CASD1: variants seen among roughly 807,000 people sequenced by gnomAD.
The protein encoded by CASD1 is N-acetylneuraminate (7)9-O-acetyltransferase.
A neutral mutation model predicts 100.0 loss-of-function variants in CASD1; 41 were observed. That is an observed-to-expected ratio of 0.41 (90% CI 0.32 to 0.53). CASD1 has a LOEUF of 0.53. Among genes scored for constraint, CASD1 ranks in the 20% least tolerant of loss-of-function variants. CASD1 has a pLI of 0.25. For synonymous variants in CASD1, 321 were observed against 315.6 expected, an observed-to-expected ratio of 1.02 and a Z score of -0.18; for missense variants, 774 against 948.7, an observed-to-expected ratio of 0.82 and a Z score of 2.42.
At chr7:94,618,276 A>T in the CASD1 span, 1 of 158,066 alleles carries the variant, frequency 6.3e-6, no homozygotes, top group East Asian at 1.9e-4. Context: ...CCAGCTTGTG[A>T]GTGACAAGGT....
downstream of CASD1, among the ~76,000 whole-genome samples, chr7:94,557,289 G>A (rs1183516229): frequency 1.3e-5 from 2 of 152,014 alleles, no homozygotes; most frequent in African/African-American, 2.4e-5. Flanking sequence ...TCCATTAATA[G>A]AGGAATATTT....
intron 13 of CASD1, 71 bp from the exon 14 acceptor site, chr7:94,549,462 T>A: frequency 9.6e-7 from 1 of 1,037,986 alleles, no homozygotes; most frequent in South Asian, 1.6e-5. Context: ...AAAACTATAA[T>A]CTGTAATAGA....
the CASD1 span, among the ~76,000 whole-genome samples, chr7:94,611,935 CA>C: frequency 6.6e-6 from 1 of 152,034 alleles, no homozygotes; most frequent in Admixed American, 6.6e-5. Flanking sequence ...AAATTCAGAA[CA>C]AAAGTAGAGA....
the CASD1 span, chr7:94,618,573 A>G: frequency 3.5e-6 from 2 of 574,200 alleles, no homozygotes; most frequent in Admixed American, 3.3e-5. Flanking sequence ...AACTTGAGAT[A>G]TAAAAAACCA....
chr7:94,601,443 C>CAAAAAAAA, the CASD1 span, among the ~76,000 whole-genome samples: 373 of 89,282 alleles, frequency 4.2e-3, 46 homozygotes, highest in East Asian at 9.5e-3. Context: ...ATCCCAGTAT[C>CAAAAAAAA]AAAAAAAAAA....
At chr7:94,619,117 T>A in the CASD1 span, 2 of 635,504 alleles carry the variant, frequency 3.1e-6, no homozygotes, top group African/African-American at 3.7e-5. Context: ...AGAGGATGTA[T>A]CTAAAAACAT....
chr7:94,622,406 T>C, the CASD1 span: 1 of 152,214 alleles, frequency 6.6e-6, no homozygotes, highest in Non-Finnish European at 1.5e-5. Flanking sequence ...GGCAGGTGGA[T>C]CACATGAAGT....
chr7:94,633,963 T>C, the CASD1 span, among the ~76,000 whole-genome samples: 1 of 152,104 alleles, frequency 6.6e-6, no homozygotes, highest in African/African-American at 2.4e-5. Context: ...AACAATTACA[T>C]GGCTATAAAG....
chr7:94,587,935 A>G, the CASD1 span: 107 of 1,425,420 alleles, frequency 7.5e-5, no homozygotes, highest in Admixed American at 4.2e-4. Flanking sequence ...CAATGCCGCT[A>G]TTCATACTCA....
intron 1 of CASD1, among the ~76,000 whole-genome samples, chr7:94,512,102 A>T (rs146462188): frequency 6.6e-6 from 1 of 152,214 alleles, no homozygotes; most frequent in South Asian, 2.1e-4. Flanking sequence ...GTCAGGTGCA[A>T]TGCCCTTCAC....
chr7:94,608,807 G>A, the CASD1 span, among the ~76,000 whole-genome samples: 2 of 152,114 alleles, frequency 1.3e-5, no homozygotes, highest in Non-Finnish European at 2.9e-5. Context: ...AGGAGCAAAG[G>A]CAATACAATG....
chr7:94,509,864 GC>G lies in CASD1; in HGVS notation c.-220del. ...GGCACGGCGGAGCAGCGGCGGCGGG[GC>G]TGGGGGGAGGCCGCCGAGTCGGCCG... On this transcript the variant is annotated 5_prime_UTR_variant, in exon 1 of 18. Coordinates refer to ENST00000297273, the MANE Select transcript of CASD1 (RefSeq NM_022900.5). 1 of 1,021,250 alleles carries G rather than the reference GC, an allele frequency of 9.8e-7. No homozygotes were observed. The highest frequency in any genetic ancestry group is 9.6e-5 in the East Asian group (1 of 10,368). The allele number at this position is 1,021,250 out of a possible 1,614,324, so 63.3% of individuals were successfully genotyped here.
At chr7:94,631,093 A>G in the CASD1 span, among the ~76,000 whole-genome samples, 1 of 151,946 alleles carries the variant, frequency 6.6e-6, no homozygotes, top group Non-Finnish European at 1.5e-5. Flanking sequence ...GAAGGAAGCT[A>G]CAAGTTATGT....
the CASD1 span, among the ~76,000 whole-genome samples, chr7:94,616,123 A>G: frequency 6.6e-6 from 1 of 152,248 alleles, no homozygotes; most frequent in African/African-American, 2.4e-5. Flanking sequence ...AATGCTCATC[A>G]AGAAGGATGA....
chr7:94,530,804 A>C (rs1794814957), intron 5 of CASD1, among the ~76,000 whole-genome samples: 1 of 152,114 alleles, frequency 6.6e-6, no homozygotes, highest in Admixed American at 6.6e-5. Context: ...GCTTATGAGG[A>C]ATGGAATTAC....
At chr7:94,623,691 A>C in the CASD1 span, 1 of 431,262 alleles carries the variant, frequency 2.3e-6, no homozygotes, top group Admixed American at 4.1e-5. Flanking sequence ...TCATTAGTAA[A>C]TGGATTAACC....
At chr7:94,579,264 A>G in the CASD1 span, among the ~76,000 whole-genome samples, 1 of 151,722 alleles carries the variant, frequency 6.6e-6, no homozygotes. Flanking sequence ...CTACTAGGCC[A>G]GTTTATCTCA....
chr7:94,631,413 G>A, the CASD1 span, among the ~76,000 whole-genome samples: 1 of 151,852 alleles, frequency 6.6e-6, no homozygotes, highest in South Asian at 2.1e-4. Flanking sequence ...CATCTGGTAT[G>A]GGAGACCAAC....
chr7:94,586,937 A>C, the CASD1 span: 6 of 980,414 alleles, frequency 6.1e-6, no homozygotes, highest in Non-Finnish European at 7.2e-6. Context: ...AATAACAACA[A>C]AACAACCAAG....
Sources: allele counts gnomAD v4.1 joint callset (sites outside exome capture counted in the v4.1 genomes callset), GRCh38; gene constraint gnomAD v4.1.1; transcripts MANE v1.5; gene names NCBI Gene and HGNC (gene_info 2026-07-23, HGNC 2026-07-21).